Variants in FAM193A observed in about 807,000 individuals in gnomAD.
FAM193A encodes protein FAM193A.
A neutral mutation model predicts 126.5 loss-of-function variants in FAM193A; 22 were observed. That is an observed-to-expected ratio of 0.17 (90% confidence interval 0.12 to 0.25). The LOEUF (loss-of-function observed/expected upper bound fraction) is 0.25, where lower values mean the gene tolerates loss of function less well. FAM193A is among the 10% of genes least tolerant of loss of function. The pLI is 1.00. For missense variants in FAM193A, 1,675 were observed against 1,672.8 expected (o/e 1.00, Z -0.02); for synonymous variants, 761 against 646.8 (o/e 1.18, Z -2.68).
intron 5 of FAM193A, among the ~76,000 whole-genome samples, chr4:2,634,053 A>G (rs745775835): frequency 1.3e-5 from 2 of 152,244 alleles, no homozygotes; most frequent in African/African-American, 2.4e-5. Context: ...GGGAGACAAG[A>G]GACAACCTAG....
intron 2 of FAM193A, among the ~76,000 whole-genome samples, chr4:2,597,205 C>G (rs1209771559): frequency 6.6e-6 from 1 of 152,178 alleles, no homozygotes; most frequent in African/African-American, 2.4e-5. Flanking sequence ...GCATGTCCCG[C>G]TTTCCTGCTG....
At chr4:2,568,153 C>T (rs912065219) in intron 1 of FAM193A, among the ~76,000 whole-genome samples, 1 of 152,094 alleles carries the variant, frequency 6.6e-6, no homozygotes, top group African/African-American at 2.4e-5. Flanking sequence ...TTTGTTTTAC[C>T]TATACATTGA....
chr4:2,728,382 T>G (rs879675842), intron 20 of FAM193A, among the ~76,000 whole-genome samples: 44 of 151,884 alleles, frequency 2.9e-4, no homozygotes, highest in Admixed American at 2.3e-3. Flanking sequence ...CCCCACAGGT[T>G]TACCTTCCCT....
At chr4:2,577,411 GTTTTTT>G (rs67407606) in intron 1 of FAM193A, among the ~76,000 whole-genome samples, 2 of 101,860 alleles carry the variant, frequency 2.0e-5, no homozygotes, top group African/African-American at 7.1e-5. Context: ...AATTAAAGTG[GTTTTTT>G]TTTTGTTTTT....
At chr4:2,643,395 T>A (rs2298962) in intron 6 of FAM193A, among the ~76,000 whole-genome samples, 118,271 of 152,112 alleles carry the variant, frequency 0.78, 46,097 homozygotes, top group Middle Eastern at 0.86. Flanking sequence ...TTGATATATT[T>A]CATTTTTTAA....
chr4:2,727,879 TC>T (rs929565520), intron 20 of FAM193A, among the ~76,000 whole-genome samples: 3 of 151,746 alleles, frequency 2.0e-5, no homozygotes, highest in Non-Finnish European at 2.9e-5. Context: ...AGTGGCTTGA[TC>T]ACAGTTCATT....
In FAM193A at chr4:2,630,942, G is replaced by A. The variant is rs776038615; in HGVS notation, c.811G>A (p.Glu271Lys). 2.5e-6 allele frequency: 4 copies of A among 1,587,624 alleles called. No homozygotes were observed. The highest frequency in any genetic ancestry group is 2.2e-5 in the South Asian group (2 of 90,312). ...ACCCTCTTCTCTGTGCAGGCTCTGC[G>A]AGAGGGACCCCTACCAGCTGTACCA... ...GVKELVDRLC[E>K]RDPYQLYQRL... Residue 271 changes from glutamate (E) to lysine (K), a missense_variant, in exon 5 of 21, where the codon GAG becomes AAG. Coordinates refer to ENST00000637812, the MANE Select transcript of FAM193A (RefSeq NM_001366318.2).
intron 14 of FAM193A, among the ~76,000 whole-genome samples, chr4:2,690,414 A>G (rs1238747599): frequency 5.3e-5 from 8 of 152,206 alleles, no homozygotes; most frequent in Admixed American, 5.2e-4. Context: ...TCTGAGCCTC[A>G]GTTTCTTCAT....
intron 2 of FAM193A, among the ~76,000 whole-genome samples, chr4:2,621,705 G>A (rs1404639310): frequency 1.3e-5 from 2 of 152,132 alleles, no homozygotes; most frequent in Non-Finnish European, 1.5e-5. Flanking sequence ...TGGAAGCAGC[G>A]GAGGAAGAAT....
chr4:2,597,601 A>G (rs1347774105), intron 2 of FAM193A, among the ~76,000 whole-genome samples: 1 of 151,904 alleles, frequency 6.6e-6, no homozygotes, highest in East Asian at 1.9e-4. Flanking sequence ...TTGGTAATGG[A>G]TAGTTTGTCA....
intron 2 of FAM193A, among the ~76,000 whole-genome samples, chr4:2,621,030 C>T (rs1300053182): frequency 6.6e-6 from 1 of 151,946 alleles, no homozygotes; most frequent in Non-Finnish European, 1.5e-5. Flanking sequence ...TTATGCCCCA[C>T]TGGGTAGCAG....
chr4:2,633,759 G>A (rs1743828295), intron 5 of FAM193A, among the ~76,000 whole-genome samples: 1 of 152,142 alleles, frequency 6.6e-6, no homozygotes, highest in South Asian at 2.1e-4. Flanking sequence ...CTGGCGTGGT[G>A]GCACGCGCCT....
intron 19 of FAM193A, among the ~76,000 whole-genome samples, chr4:2,714,624 C>A (rs1719347670): frequency 6.6e-6 from 1 of 152,036 alleles, no homozygotes; most frequent in African/African-American, 2.4e-5. Flanking sequence ...GAGAGAGACT[C>A]CTAAGTGACA....
upstream of FAM193A, among the ~76,000 whole-genome samples, chr4:2,535,974 T>C (rs1736850667): frequency 6.6e-6 from 1 of 152,044 alleles, no homozygotes; most frequent in South Asian, 2.1e-4. Context: ...TTTCCAGCGC[T>C]GCCCGAACCC....
intron 6 of FAM193A, 40 bp downstream of exon 6, chr4:2,639,899 A>G (rs1306098925): frequency 6.3e-7 from 1 of 1,596,490 alleles, no homozygotes; most frequent in East Asian, 2.2e-5. Flanking sequence ...GTGGTGTGAC[A>G]GCACAGTCTT....
chr4:2,727,321 C>T lies in FAM193A; in HGVS notation c.4455-4454C>T, dbSNP rs191258378. Among the ~76,000 whole-genome samples, 818 of 152,222 alleles carry T rather than the reference C, an allele frequency of 5.4e-3. 8 individuals carry two copies. The highest frequency in any genetic ancestry group is 5.1e-3 in the Non-Finnish European group (346 of 68,022). ...CTGGTGCATGAAGGTGAGTTCTCTCCCTGGCCCTCAAGAGATTTGGAAGTT... is the reference window on the plus strand; with the variant it reads ...CTGGTGCATGAAGGTGAGTTCTCTCTCTGGCCCTCAAGAGATTTGGAAGTT... On this transcript the variant is annotated intron_variant, in intron 20 of 20. Transcript: ENST00000637812.
At chr4:2,572,046 T>G (rs1158919926) in intron 1 of FAM193A, among the ~76,000 whole-genome samples, 1 of 151,264 alleles carries the variant, frequency 6.6e-6, no homozygotes, top group East Asian at 2.0e-4. Context: ...GTGCCTGTAA[T>G]CCCAGCTACT....
intron 1 of FAM193A, among the ~76,000 whole-genome samples, chr4:2,553,389 T>TG (rs921537128): frequency 6.7e-6 from 1 of 150,002 alleles, no homozygotes; most frequent in African/African-American, 2.4e-5. Context: ...TTTGTTTTTT[T>TG]TTTTTTTTTT....
intron 13 of FAM193A, among the ~76,000 whole-genome samples, chr4:2,685,869 A>G (rs529270660): frequency 6.6e-5 from 10 of 152,236 alleles, no homozygotes; most frequent in Non-Finnish European, 1.0e-4. Flanking sequence ...CAGAGCTTTC[A>G]TTTAAAGCAA....
Sources: allele counts gnomAD v4.1 joint callset (sites outside exome capture counted in the v4.1 genomes callset), GRCh38; gene constraint gnomAD v4.1.1; transcripts MANE v1.5; gene names NCBI Gene and HGNC (gene_info 2026-07-23, HGNC 2026-07-21).